The following ZFAT variants were observed in gnomAD, a reference collection of about 807,000 sequenced individuals.
ZFAT encodes zinc finger and AT-hook domain containing, also known as zinc finger protein ZFAT.
A neutral mutation model predicts 117.7 loss-of-function variants in ZFAT; 64 were observed. The observed-to-expected ratio is 0.54, with a 90% CI of 0.44 to 0.67. The LOEUF (loss-of-function observed/expected upper bound fraction) is 0.67, where lower values mean the gene tolerates loss of function less well. Ranked by LOEUF, ZFAT falls within the 30% of genes least tolerant of loss-of-function variation. The probability of loss-of-function intolerance (pLI) is 0.00; values close to 1 mark genes in which losing one functional copy is unlikely to be tolerated. For missense variants in ZFAT, 1,433 were observed against 1,584.5 expected, an observed-to-expected ratio of 0.90 and a Z score of 1.62; for synonymous variants, 679 against 615.0, an observed-to-expected ratio of 1.10 and a Z score of -1.54.
chr8:134,591,073 G>A (rs1459767767), intron 7 of ZFAT, among the ~76,000 whole-genome samples: 5 of 152,086 alleles, frequency 3.3e-5, no homozygotes, highest in Non-Finnish European at 5.9e-5. Flanking sequence ...TCAAGGCTGC[G>A]GGTCTACCAC....
the ZFAT span, among the ~76,000 whole-genome samples, chr8:134,799,377 T>C: frequency 4.6e-5 from 7 of 152,098 alleles, no homozygotes; most frequent in Admixed American, 4.6e-4. Context: ...TTTTCACCTA[T>C]ACAGAATGTG....
intron 1 of ZFAT, among the ~76,000 whole-genome samples, chr8:134,703,322 C>T (rs117203284): frequency 6.6e-6 from 1 of 152,134 alleles, no homozygotes; most frequent in Non-Finnish European, 1.5e-5. Context: ...TCTTTCAAAC[C>T]TTTTGCTCAT....
chr8:134,812,242 C>G, the ZFAT span, among the ~76,000 whole-genome samples: 1 of 152,198 alleles, frequency 6.6e-6, no homozygotes, highest in Non-Finnish European at 1.5e-5. Context: ...ATGCTAAGCT[C>G]AGAGGCAGGC....
At chr8:134,685,804 T>C (rs1833293465) in intron 1 of ZFAT, among the ~76,000 whole-genome samples, 1 of 152,222 alleles carries the variant, frequency 6.6e-6, no homozygotes, top group African/African-American at 2.4e-5. Flanking sequence ...GACTAGGCCA[T>C]AATTTTAAAA....
chr8:134,768,837 G>A, the ZFAT span, among the ~76,000 whole-genome samples: 2 of 152,212 alleles, frequency 1.3e-5, no homozygotes, highest in South Asian at 2.1e-4. Context: ...CTTCCCAACA[G>A]TCTCCCAAAG....
At chr8:134,507,354 C>T (rs908555596) in intron 15 of ZFAT, among the ~76,000 whole-genome samples, 4 of 152,164 alleles carry the variant, frequency 2.6e-5, no homozygotes, top group African/African-American at 4.8e-5. Flanking sequence ...AGCGTCTACC[C>T]GCCCATCAGT....
chr8:134,602,995 A>G lies in ZFAT; in HGVS notation c.786-62T>C, dbSNP rs529120309. 1.8e-5 allele frequency: 27 copies of G among 1,539,204 alleles called. No individual in the cohort carries two copies. The East Asian group carries it at 5.0e-4, about 28-fold the overall frequency. ...CTTGAATGTTCCTCATGAACTCTAC[A>G]TCCTTTTCATGAACCAAACACTAAA... On this transcript the variant is annotated intron_variant, in intron 5 of 15. Transcript: ENST00000377838.
intron 15 of ZFAT, among the ~76,000 whole-genome samples, chr8:134,486,375 C>A (rs907166223): frequency 6.6e-6 from 1 of 152,106 alleles, no homozygotes; most frequent in Non-Finnish European, 1.5e-5. Flanking sequence ...GAAACTCCAC[C>A]GACACCTCTG....
chr8:134,766,428 C>T, the ZFAT span: 1 of 152,148 alleles, frequency 6.6e-6, no homozygotes, highest in Non-Finnish European at 1.5e-5. Context: ...TCTCCCTGTA[C>T]CTATTGTCGA....
At chr8:134,722,233 G>A in the ZFAT span, among the ~76,000 whole-genome samples, 3 of 152,252 alleles carry the variant, frequency 2.0e-5, no homozygotes, top group African/African-American at 7.2e-5. Context: ...ACCTCAGAGG[G>A]GTGGAGAGTC....
chr8:134,583,685 G>A, intron 10 of ZFAT, 147 bp downstream of exon 10: 1 of 940,118 alleles, frequency 1.1e-6, no homozygotes, highest in Non-Finnish European at 1.6e-6. Context: ...AGGAAGTCAG[G>A]CCTGGTCTTC....
At chr8:134,490,811 A>G (rs971989103) in intron 15 of ZFAT, among the ~76,000 whole-genome samples, 1 of 152,132 alleles carries the variant, frequency 6.6e-6, no homozygotes, top group Non-Finnish European at 1.5e-5. Context: ...TCTGAGAGGC[A>G]AGTCCTGCCT....
At chr8:134,660,202 C>T (rs1421024640) in intron 1 of ZFAT, among the ~76,000 whole-genome samples, 2 of 152,034 alleles carry the variant, frequency 1.3e-5, no homozygotes, top group African/African-American at 4.8e-5. Flanking sequence ...AAACTGAGGC[C>T]GAGAGAGGAA....
intron 1 of ZFAT, among the ~76,000 whole-genome samples, chr8:134,685,927 C>T (rs577764922): frequency 3.5e-4 from 54 of 152,292 alleles, no homozygotes; most frequent in African/African-American, 3.1e-4. Context: ...CATCTTAAGA[C>T]GAGTTAAGTG....
the ZFAT span, among the ~76,000 whole-genome samples, chr8:134,750,123 T>C: frequency 6.6e-6 from 1 of 152,218 alleles, no homozygotes; most frequent in South Asian, 2.1e-4. Context: ...GAACATGGTA[T>C]AACTCCTTTA....
intron 11 of ZFAT, among the ~76,000 whole-genome samples, chr8:134,540,913 G>A (rs1822202075): frequency 6.6e-6 from 1 of 152,154 alleles, no homozygotes; most frequent in South Asian, 2.1e-4. Flanking sequence ...TTTTCCTGTA[G>A]TTTGGGGTCA....
At chr8:134,489,375 T>C (rs1817890836) in intron 15 of ZFAT, among the ~76,000 whole-genome samples, 2 of 152,082 alleles carry the variant, frequency 1.3e-5, no homozygotes, top group African/African-American at 4.8e-5. Context: ...TTAGGCCCAG[T>C]GCTCCCCAGG....
chr8:134,792,381 AG>A, the ZFAT span: 1 of 152,312 alleles, frequency 6.6e-6, no homozygotes, highest in Non-Finnish European at 1.5e-5. Flanking sequence ...TCTTGTGTTC[AG>A]GAAGTATTAG....
intron 11 of ZFAT, among the ~76,000 whole-genome samples, chr8:134,556,060 G>GAAGA (rs1177175323): frequency 4.0e-5 from 4 of 100,598 alleles, no homozygotes; most frequent in Non-Finnish European, 8.2e-5. Flanking sequence ...AGGAAGGAAG[G>GAAGA]AAGGAAGGAA....
Sources: gnomAD v4.1 joint callset for allele counts (sites outside exome capture counted in the v4.1 genomes callset) on GRCh38, gnomAD v4.1.1 for gene constraint, MANE v1.5 for transcripts, NCBI Gene and HGNC (gene_info 2026-07-23, HGNC 2026-07-21) for gene names.